SHOC1: variants seen among roughly 807,000 people sequenced by gnomAD.
SHOC1 encodes the protein shortage in chiasmata 1, also known as protein shortage in chiasmata 1 ortholog.
SHOC1 carries 136 observed loss-of-function variants against 179.2 expected under a neutral mutation model. The ratio of observed to expected loss-of-function variants is 0.76; its 90% CI spans 0.66 to 0.87. The LOEUF is 0.87. SHOC1 is among the 40% of genes least tolerant of loss of function. The probability of loss-of-function intolerance (pLI) is 0.00; values close to 1 mark genes in which losing one functional copy is unlikely to be tolerated. For synonymous variants in SHOC1, 489 were observed against 586.6 expected, an observed-to-expected ratio of 0.83 and a Z score of 2.41; for missense variants, 1,538 against 1,700.8, an observed-to-expected ratio of 0.90 and a Z score of 1.68.
chr9:111,781,196 C>G, intron 3 of SHOC1, 179 bp from the exon 4 acceptor site: 1 of 575,722 alleles, frequency 1.7e-6, no homozygotes, highest in Non-Finnish European at 3.1e-6. Flanking sequence ...ATCAACCTAC[C>G]CCCGCCCCTC....
intron 8 of SHOC1, among the ~76,000 whole-genome samples, chr9:111,755,398 G>A (rs1202713188): frequency 2.0e-5 from 3 of 152,144 alleles, no homozygotes; most frequent in Non-Finnish European, 4.4e-5. Context: ...CAAGTCTGTG[G>A]TCTGTTCATG....
chr9:111,752,900 A>G (rs1324692525), intron 8 of SHOC1, among the ~76,000 whole-genome samples: 1 of 152,128 alleles, frequency 6.6e-6, no homozygotes, highest in Non-Finnish European at 1.5e-5. Context: ...CTGAAAAACA[A>G]TAAGAAAAAA....
chr9:111,771,371 A>G (rs1028754441), intron 5 of SHOC1, among the ~76,000 whole-genome samples: 1 of 152,118 alleles, frequency 6.6e-6, no homozygotes, highest in African/African-American at 2.4e-5. Flanking sequence ...ACAGGTTGCT[A>G]TAGCTATTGT....
intron 5 of SHOC1, among the ~76,000 whole-genome samples, chr9:111,765,536 G>A (rs1835315579): frequency 6.6e-6 from 1 of 151,950 alleles, no homozygotes; most frequent in African/African-American, 2.4e-5. Flanking sequence ...GTTGCAGTGA[G>A]CAGAGATTGC....
At position 111,732,749 on chromosome 9, in the gene SHOC1, CA is replaced by C. The variant is rs555908591; in HGVS notation, c.1418-4701del. Among the ~76,000 whole-genome samples the C allele has an allele frequency of 4.8e-4, 73 of 152,058 alleles. 1 individual carries two copies. The highest frequency in any genetic ancestry group is 1.7e-3 in the African/African-American group (69 of 41,468). On this transcript the variant is annotated intron_variant, in intron 12 of 27. Coordinates refer to ENST00000682961, the MANE Select transcript of SHOC1 (RefSeq NM_001378211.1). ...AAGTATACCAGTGGTCGTCAAGGAC[CA>C]GGGGGGTAGGTTAGTGAGGAGGAGA... is the stretch of plus-strand genomic sequence containing the variant.
intron 11 of SHOC1, among the ~76,000 whole-genome samples, chr9:111,739,246 CTTAA>C (rs1026455361): frequency 1.5e-3 from 222 of 152,130 alleles, no homozygotes; most frequent in African/African-American, 5.0e-3. Context: ...ATGCATTATT[CTTAA>C]TTAATCCCTA....
In SHOC1 at chr9:111,718,287, A is replaced by T. The variant is rs142041108; in HGVS notation, c.2133T>A (p.Gly711=). ...EKVVSDAVRQ[G]TIDEREMTFK... The stretch of plus-strand genomic sequence containing the variant: ...AAGTCATTTCTCTTTCATCAATTGT[A>T]CCTAAGTAAGCAAAAATGTATTTTA... Residue 711 remains glycine, a splice_region_variant and synonymous_variant, in exon 16 of 28, where the codon GGT becomes GGA. Transcript: ENST00000682961. The T allele has an allele frequency of 3.2e-6, 5 of 1,574,214 alleles. No homozygotes were observed. In the African/African-American group the frequency reaches 6.9e-5, roughly 22 times the overall value.
chr9:111,743,231 A>AT (rs1834122144), intron 10 of SHOC1, among the ~76,000 whole-genome samples: 1 of 152,144 alleles, frequency 6.6e-6, no homozygotes, highest in African/African-American at 2.4e-5. Flanking sequence ...TTTCAAAAAA[A>AT]TTTTAACACC....
intron 27 of SHOC1, among the ~76,000 whole-genome samples, chr9:111,688,403 T>C (rs1465879429): frequency 6.6e-6 from 1 of 152,178 alleles, no homozygotes; most frequent in Non-Finnish European, 1.5e-5. Flanking sequence ...TAGTTATCCC[T>C]ATATTAGTAT....
chr9:111,759,011 T>C (rs1230808636), intron 5 of SHOC1, 163 bp from the exon 6 acceptor site: 5 of 990,644 alleles, frequency 5.0e-6, no homozygotes, highest in Non-Finnish European at 7.4e-6. Context: ...GCATGTAGCA[T>C]AGTTCTGGAA....
At chr9:111,741,834 G>A (rs1834057633) in intron 10 of SHOC1, among the ~76,000 whole-genome samples, 1 of 152,068 alleles carries the variant, frequency 6.6e-6, no homozygotes. Flanking sequence ...GTTTCACCAT[G>A]TGGGCCAGGC....
rs546584336 is a variant in SHOC1 at position 111,692,444 on chromosome 9, G to A, written c.3533C>T (p.Ser1178Leu). Residue 1178 changes from serine (S) to leucine (L), a missense_variant, in exon 27 of 28, where the codon TCG becomes TTG. Ser to Leu is a moderately radical substitution (Grantham distance 145, BLOSUM62 -2). Coordinates refer to ENST00000682961, the MANE Select transcript of SHOC1 (RefSeq NM_001378211.1). The stretch of plus-strand genomic sequence containing the variant: ...CTGATTCCTATTTTCCTGAGGTGAC[G>A]AAATTTGCGGTGATTTTGTTATGGA... ...SSSITKSPQI[S>L]SPQENRNQIS... 29 of 1,607,084 alleles carry A rather than the reference G, an allele frequency of 1.8e-5. No homozygotes were observed. The highest frequency in any genetic ancestry group is 4.0e-5 in the African/African-American group (3 of 74,648).
intron 8 of SHOC1, among the ~76,000 whole-genome samples, chr9:111,754,009 C>T (rs1038672036): frequency 2.6e-5 from 4 of 152,102 alleles, no homozygotes; most frequent in African/African-American, 9.7e-5. Context: ...GCATTGTACA[C>T]TTTAAATTTA....
intron 5 of SHOC1, chr9:111,759,295 A>G (rs1835030567): frequency 3.1e-6 from 5 of 1,610,334 alleles, no homozygotes; most frequent in Non-Finnish European, 3.4e-6. Flanking sequence ...ACATGTAGGG[A>G]ATGGAGATGG....
intron 4 of SHOC1, 99 bp from the exon 5 acceptor site, chr9:111,776,074 C>A: frequency 3.7e-6 from 3 of 808,552 alleles, no homozygotes; most frequent in South Asian, 3.5e-5. Flanking sequence ...TTATCAAATT[C>A]CAACAGACAC....
chr9:111,775,737 A>G, intron 5 of SHOC1, 54 bp downstream of exon 5: 1 of 1,454,698 alleles, frequency 6.9e-7, no homozygotes, highest in South Asian at 1.4e-5. Flanking sequence ...ACTGAAAAGA[A>G]TATGTGTATA....
chr9:111,759,817 A>G (rs1330665256), intron 5 of SHOC1, among the ~76,000 whole-genome samples: 2 of 152,148 alleles, frequency 1.3e-5, no homozygotes, highest in African/African-American at 4.8e-5. Flanking sequence ...ATTGGTATGC[A>G]GGCAGCAAGG....
intron 12 of SHOC1, among the ~76,000 whole-genome samples, chr9:111,736,704 A>G (rs567640583): frequency 2.0e-5 from 3 of 152,174 alleles, no homozygotes; most frequent in Admixed American, 6.6e-5. Context: ...CAAAAACAAA[A>G]ATTGCCGAGT....
intron 5 of SHOC1, among the ~76,000 whole-genome samples, chr9:111,770,182 T>C (rs1160422541): frequency 6.6e-6 from 1 of 152,106 alleles, no homozygotes; most frequent in African/African-American, 2.4e-5. Flanking sequence ...CTCTTGGTAC[T>C]GGGCTCTTGC....
Sources: allele counts gnomAD v4.1 joint callset (sites outside exome capture counted in the v4.1 genomes callset), GRCh38; gene constraint gnomAD v4.1.1; transcripts MANE v1.5; gene names NCBI Gene and HGNC (gene_info 2026-07-23, HGNC 2026-07-21).